The following LY96 variants were observed in gnomAD, a reference collection of about 807,000 sequenced individuals.
LY96 encodes the protein myeloid differentiation protein-2.
In LY96, 18 loss-of-function variants were observed where a neutral mutation model predicts 18.9. The observed-to-expected ratio is 0.95, with a 90% CI of 0.66 to 1.41. The LOEUF (loss-of-function observed/expected upper bound fraction) is 1.41. Ranked by LOEUF, LY96 falls within the 40% of genes most tolerant of loss-of-function variation. LY96 has a pLI of 0.00. For synonymous variants in LY96, 66 were observed against 62.6 expected (o/e 1.06, Z -0.26); for missense variants, 175 against 182.4 (o/e 0.96, Z 0.23).
At chr8:74,088,143 T>A in the LY96 span, among the ~76,000 whole-genome samples, 147 of 139,158 alleles carry the variant, frequency 1.1e-3, no homozygotes, top group African/African-American at 3.7e-3. Context: ...TAGAATAGAA[T>A]AGAATAGAAA....
At chr8:74,054,029 T>C in the LY96 span, among the ~76,000 whole-genome samples, 1 of 152,258 alleles carries the variant, frequency 6.6e-6, no homozygotes, top group Non-Finnish European at 1.5e-5. Flanking sequence ...AATAAACTTC[T>C]TATTTATTTA....
chr8:74,057,992 G>T, the LY96 span, among the ~76,000 whole-genome samples: 1 of 152,130 alleles, frequency 6.6e-6, no homozygotes, highest in Admixed American at 6.5e-5. Context: ...AGCCTGCCGT[G>T]ATTACCTTCT....
the LY96 span, among the ~76,000 whole-genome samples, chr8:74,068,783 C>G: frequency 2.6e-5 from 4 of 152,062 alleles, no homozygotes; most frequent in Non-Finnish European, 5.9e-5. Context: ...AATTGTTTTT[C>G]TTTTCTTATT....
the LY96 span, among the ~76,000 whole-genome samples, chr8:74,049,075 C>G: frequency 2.0e-3 from 300 of 152,276 alleles, 1 homozygote; most frequent in African/African-American, 6.2e-3. Flanking sequence ...GAACGCCCAG[C>G]TTAGATTAAT....
At chr8:74,031,632 C>CTG (rs1164322014), downstream of LY96, among the ~76,000 whole-genome samples, 18 of 123,256 alleles carry the variant, frequency 1.5e-4, no homozygotes, top group African/African-American at 6.7e-4. Context: ...GAGACTCTGT[C>CTG]TCAAAAAAAA....
At chr8:74,070,235 G>A in the LY96 span, among the ~76,000 whole-genome samples, 2 of 152,198 alleles carry the variant, frequency 1.3e-5, no homozygotes, top group African/African-American at 4.8e-5. Flanking sequence ...GGGACTACAG[G>A]CGCCTGCAAC....
At chr8:74,057,144 T>G in the LY96 span, among the ~76,000 whole-genome samples, 4 of 152,310 alleles carry the variant, frequency 2.6e-5, no homozygotes, top group Admixed American at 2.0e-4. Flanking sequence ...TCTTGAAGAT[T>G]AAATCACACT....
intron 3 of LY96, among the ~76,000 whole-genome samples, chr8:74,017,060 T>C (rs1056970165): frequency 7.9e-5 from 12 of 152,172 alleles, no homozygotes; most frequent in African/African-American, 4.8e-5. Context: ...CTTTGATGAG[T>C]TGACAGAAGA....
chr8:74,017,000 A>G (rs964871570), intron 3 of LY96, among the ~76,000 whole-genome samples: 1 of 152,226 alleles, frequency 6.6e-6, no homozygotes, highest in African/African-American at 2.4e-5. Context: ...CTCTTCTCCA[A>G]AGGATCGCAG....
intron 2 of LY96, 72 bp from the exon 3 acceptor site, chr8:74,009,929 A>G: frequency 2.7e-6 from 3 of 1,119,078 alleles, no homozygotes; most frequent in South Asian, 2.5e-5. Context: ...TTTTAACTAT[A>G]CAATAAATGT....
the LY96 span, among the ~76,000 whole-genome samples, chr8:74,071,798 C>T: frequency 6.6e-6 from 1 of 152,076 alleles, no homozygotes; most frequent in Non-Finnish European, 1.5e-5. Context: ...CTTGCCTTTC[C>T]TTCCTCAACA....
chr8:73,998,627 G>A (rs985512618), intron 1 of LY96, among the ~76,000 whole-genome samples: 3 of 152,122 alleles, frequency 2.0e-5, no homozygotes, highest in African/African-American at 7.2e-5. Context: ...AGGTTGCCCT[G>A]AGCTATGATT....
At chr8:74,010,554 C>T (rs559519570) in intron 3 of LY96, among the ~76,000 whole-genome samples, 2 of 152,236 alleles carry the variant, frequency 1.3e-5, no homozygotes, top group East Asian at 3.9e-4. Flanking sequence ...TTTCCATTTA[C>T]CAGCAATGTG....
At chr8:74,067,840 C>T in the LY96 span, among the ~76,000 whole-genome samples, 121 of 152,012 alleles carry the variant, frequency 8.0e-4, 1 homozygote, top group African/African-American at 2.8e-3. Context: ...GCAGACTGAT[C>T]ACCTGAGGTC....
chr8:74,082,248 G>A, the LY96 span, among the ~76,000 whole-genome samples: 1 of 152,196 alleles, frequency 6.6e-6, no homozygotes, highest in African/African-American at 2.4e-5. Flanking sequence ...CTCACAGTGA[G>A]TGACTCTTTC....
the LY96 span, among the ~76,000 whole-genome samples, chr8:74,055,433 G>T: frequency 2.0e-5 from 3 of 152,132 alleles, no homozygotes; most frequent in African/African-American, 7.2e-5. Context: ...CTATCTGTAA[G>T]ATTGTTATGA....
At chr8:74,002,006 T>TCTTTCTTCCTTC (rs1816287667) in intron 1 of LY96, among the ~76,000 whole-genome samples, 2 of 24,086 alleles carry the variant, frequency 8.3e-5, no homozygotes, top group African/African-American at 1.7e-4. Context: ...TTTCTTCCTT[T>TCTTTCTTCCTTC]CTTCCTTCCT....
chr8:74,029,540 T>C (rs899109793), downstream of LY96, among the ~76,000 whole-genome samples: 1 of 152,226 alleles, frequency 6.6e-6, no homozygotes, highest in Non-Finnish European at 1.5e-5. Context: ...CCTTTTGCTC[T>C]GCACTTCACC....
intron 1 of LY96, among the ~76,000 whole-genome samples, chr8:74,001,868 A>G (rs375581835): frequency 6.6e-6 from 1 of 151,810 alleles, no homozygotes; most frequent in East Asian, 1.9e-4. Flanking sequence ...AAACTATTTC[A>G]TTGGGCTTCT....
Sources: allele counts gnomAD v4.1 joint callset (sites outside exome capture counted in the v4.1 genomes callset), GRCh38; gene constraint gnomAD v4.1.1; transcripts MANE v1.5; gene names NCBI Gene and HGNC (gene_info 2026-07-23, HGNC 2026-07-21).